The following VPS35L variants were observed in gnomAD, a reference collection of about 807,000 sequenced individuals.
The protein encoded by VPS35L is VPS35 endosomal protein sorting factor like, also known as VPS35 endosomal protein-sorting factor-like.
Under a neutral mutation model 133.0 loss-of-function variants are expected in VPS35L, and 83 were observed. The observed-to-expected ratio is 0.62, with a 90% confidence interval of 0.52 to 0.75. The LOEUF is 0.75. Ranked by LOEUF, VPS35L falls within the 30% of genes least tolerant of loss-of-function variation. The pLI is 0.00. For missense variants in VPS35L, 1,083 were observed against 1,206.8 expected (o/e 0.90, Z 1.52); for synonymous variants, 423 against 449.9 (o/e 0.94, Z 0.76).
intron 26 of VPS35L, among the ~76,000 whole-genome samples, chr16:19,658,760 G>A (rs1462297223): frequency 6.6e-6 from 1 of 152,120 alleles, no homozygotes; most frequent in Non-Finnish European, 1.5e-5. Flanking sequence ...GAAGTAAGGT[G>A]TATGGCATTC....
chr16:19,620,555 T>A (rs1287171899), intron 14 of VPS35L, among the ~76,000 whole-genome samples: 2 of 152,226 alleles, frequency 1.3e-5, no homozygotes, highest in Non-Finnish European at 2.9e-5. Context: ...TCAATTGGGA[T>A]GAATACTCCA....
intron 24 of VPS35L, among the ~76,000 whole-genome samples, chr16:19,649,636 TGC>T (rs1486641213): frequency 7.9e-5 from 12 of 152,194 alleles, no homozygotes; most frequent in African/African-American, 2.9e-4. Context: ...CCTGTGAGTT[TGC>T]TGCAGCACCC....
intron 17 of VPS35L, among the ~76,000 whole-genome samples, chr16:19,629,400 A>ATT: frequency 6.6e-6 from 1 of 152,264 alleles, no homozygotes; most frequent in South Asian, 2.1e-4. Context: ...AATTTCTTTG[A>ATT]TTTTTTAAAA....
intron 28 of VPS35L, among the ~76,000 whole-genome samples, chr16:19,687,674 ATTCT>A (rs1188446068): frequency 6.6e-6 from 1 of 152,192 alleles, no homozygotes; most frequent in Non-Finnish European, 1.5e-5. Context: ...TGTTCTCCTT[ATTCT>A]TAGGCAATAT....
Position 19,591,763 on chromosome 16 carries a change from A to ATTTTCTCTTT in VPS35L, c.640-12_640-3dup, listed in dbSNP as rs772226598. On this transcript the variant is annotated intron_variant, in intron 7 of 30. Transcript: ENST00000417362. ...ACCCATACCAGACATGCCAGAGTGA[A>ATTTTCTCTTT]TTTTCTCTTTTTTTCTCTTTTTTTA... 3.9e-6 allele frequency: 6 copies of ATTTTCTCTTT among 1,556,382 alleles called. No individual in the cohort carries two copies. The Admixed American group carries it at 8.4e-5, about 22-fold the overall frequency.
At chr16:19,642,753 G>A (rs1484736892) in intron 22 of VPS35L, among the ~76,000 whole-genome samples, 1 of 152,140 alleles carries the variant, frequency 6.6e-6, no homozygotes, top group East Asian at 1.9e-4. Context: ...CATGTCTCTT[G>A]GAGATTTCTG....
chr16:19,646,192 C>A (rs1684591766), intron 23 of VPS35L, among the ~76,000 whole-genome samples: 4 of 152,144 alleles, frequency 2.6e-5, no homozygotes, highest in Non-Finnish European at 5.9e-5. Flanking sequence ...CCACAGTGGC[C>A]TTGTTCCCTT....
intron 29 of VPS35L, chr16:19,694,251 G>A (rs1975822096): frequency 6.6e-6 from 1 of 152,114 alleles, no homozygotes; most frequent in Non-Finnish European, 1.5e-5. Flanking sequence ...GCATATCTGA[G>A]GCTCATGAAT....
chr16:19,629,713 G>C lies in VPS35L; in HGVS notation c.1501-54G>C, dbSNP rs370369087. On this transcript the variant is annotated intron_variant, in intron 17 of 30. Transcript: ENST00000417362. ...AGCCAGCTGAAGCCTCCTGTTTGCT[G>C]TAATGCATACTATGTTGTACTTAAT... The C allele has an allele frequency of 3.2e-4, 495 of 1,523,130 alleles. 5 individuals are homozygous for C. In the South Asian group the frequency reaches 5.1e-3, roughly 16 times the overall value. The allele number at this position is 1,523,130 out of a possible 1,614,324, so 94.4% of individuals were successfully genotyped here. A position where few individuals can be genotyped will look rare whatever the true frequency, so the allele number is the denominator to read the frequency against.
intron 8 of VPS35L, among the ~76,000 whole-genome samples, chr16:19,592,146 C>G (rs1184993739): frequency 6.6e-6 from 1 of 151,754 alleles, no homozygotes; most frequent in Non-Finnish European, 1.5e-5. Context: ...GCAGTCATGG[C>G]TCACTGCAGC....
intron 26 of VPS35L, among the ~76,000 whole-genome samples, chr16:19,667,867 A>G (rs1448746917): frequency 1.3e-5 from 2 of 152,002 alleles, no homozygotes. Flanking sequence ...TGCCCATGAC[A>G]GTACCCTGTT....
chr16:19,603,602 A>G (rs1972454414), intron 9 of VPS35L, among the ~76,000 whole-genome samples: 1 of 152,130 alleles, frequency 6.6e-6, no homozygotes, highest in Non-Finnish European at 1.5e-5. Flanking sequence ...TTTTTTCAGC[A>G]GCTCCTCCTA....
At chr16:19,578,728 C>A in intron 5 of VPS35L, 1 of 347,468 alleles carries the variant, frequency 2.9e-6, no homozygotes, top group Non-Finnish European at 5.5e-6. Context: ...AATTAGATGA[C>A]GGATTTTTGG....
chr16:19,651,363 C>T (rs115709370), intron 25 of VPS35L, among the ~76,000 whole-genome samples: 2,114 of 151,726 alleles, frequency 0.014, 62 homozygotes, highest in African/African-American at 0.049. Flanking sequence ...CCACCATATC[C>T]GGGTAATTTT....
chr16:19,591,199 C>T (rs184017784), intron 7 of VPS35L, among the ~76,000 whole-genome samples: 316 of 152,100 alleles, frequency 2.1e-3, no homozygotes, highest in African/African-American at 7.3e-3. Context: ...CTTATGGGGT[C>T]ATTTCTTAGA....
At chr16:19,592,731 G>GC (rs1012158464) in intron 8 of VPS35L, among the ~76,000 whole-genome samples, 1 of 150,364 alleles carries the variant, frequency 6.7e-6, no homozygotes, top group African/African-American at 2.5e-5. Context: ...TGTCACTCAG[G>GC]CTAGAGTACA....
chr16:19,642,843 T>C (rs1973828367), intron 22 of VPS35L, among the ~76,000 whole-genome samples: 1 of 152,208 alleles, frequency 6.6e-6, no homozygotes, highest in African/African-American at 2.4e-5. Context: ...TAGCCAATTA[T>C]TTGAAATTCA....
At chr16:19,692,655 C>T (rs1270791932) in intron 29 of VPS35L, among the ~76,000 whole-genome samples, 2 of 152,100 alleles carry the variant, frequency 1.3e-5, no homozygotes, top group African/African-American at 4.8e-5. Context: ...CCTCCACCTC[C>T]CAGGTTCAAG....
At position 19,686,541 on chromosome 16, in the gene VPS35L, C is replaced by T. The variant is rs61603074; in HGVS notation, c.2527+4151C>T. Among the ~76,000 whole-genome samples, 1,400 of 152,230 alleles carry T rather than the reference C, an allele frequency of 9.2e-3. 14 individuals carry two copies. Among genetic ancestry groups the T allele is most frequent in the African/African-American group, 0.032 (1,317 of 41,530 alleles). On this transcript the variant is annotated intron_variant, in intron 28 of 30. Transcript: ENST00000417362. Reference sequence around the variant, plus strand: ...CAAGGCAGCCCTCCTCACTCTTCCACGTCACCTGCCAGGCCCTCAAAGCAT... The same window carrying T: ...CAAGGCAGCCCTCCTCACTCTTCCATGTCACCTGCCAGGCCCTCAAAGCAT...
Sources: allele counts gnomAD v4.1 joint callset (sites outside exome capture counted in the v4.1 genomes callset), GRCh38; gene constraint gnomAD v4.1.1; transcripts MANE v1.5; gene names NCBI Gene and HGNC (gene_info 2026-07-23, HGNC 2026-07-21).